Variants in ENOX1 observed in about 807,000 individuals in gnomAD.
ENOX1 encodes candidate growth-related and time keeping constitutive hydroquinone (NADH) oxidase.
A neutral mutation model predicts 82.5 loss-of-function variants in ENOX1; 42 were observed. The observed-to-expected ratio is 0.51, with a 90% CI of 0.40 to 0.66. The LOEUF (loss-of-function observed/expected upper bound fraction) is 0.66. Ranked by LOEUF, ENOX1 falls within the 30% of genes least tolerant of loss-of-function variation. The probability of loss-of-function intolerance (pLI) is 0.00; values close to 1 mark genes in which losing one functional copy is unlikely to be tolerated. For synonymous variants in ENOX1, 271 were observed against 282.2 expected, an observed-to-expected ratio of 0.96 and a Z score of 0.40; for missense variants, 608 against 811.6, an observed-to-expected ratio of 0.75 and a Z score of 3.05.
intron 2 of ENOX1, among the ~76,000 whole-genome samples, chr13:43,649,566 A>C (rs9533565): frequency 0.15 from 22,752 of 152,120 alleles, 2,077 homozygotes; most frequent in East Asian, 0.39. Flanking sequence ...TGATTCCAAG[A>C]ATGGTGCTCA....
At chr13:43,743,392 T>G (rs1566864562) in intron 1 of ENOX1, among the ~76,000 whole-genome samples, 1 of 152,192 alleles carries the variant, frequency 6.6e-6, no homozygotes, top group African/African-American at 2.4e-5. Context: ...TCCAGAACAT[T>G]TTCACTGGAA....
chr13:43,286,209 A>G (rs975590029), intron 12 of ENOX1, among the ~76,000 whole-genome samples: 3 of 152,238 alleles, frequency 2.0e-5, no homozygotes, highest in South Asian at 2.1e-4. Context: ...TTTAGTGTCC[A>G]TAGCTGGAGG....
rs112380033 is a variant in ENOX1 at position 43,391,395 on chromosome 13, C to T, written c.208+20521G>A. 9.7e-4 allele frequency among the ~76,000 whole-genome samples: 148 copies of T among 152,258 alleles called. 2 individuals are homozygous for T. Among genetic ancestry groups the T allele is most frequent in the African/African-American group, 3.2e-3 (134 of 41,550 alleles). On this transcript the variant is annotated intron_variant, in intron 5 of 16. Transcript: ENST00000690772. ...CAGTCATGCTGATGAACACAGATCT[C>T]TCTGGATGTGATTATCACTGGCCCA...
At chr13:43,362,897 G>A (rs548657474) in intron 5 of ENOX1, among the ~76,000 whole-genome samples, 2 of 151,298 alleles carry the variant, frequency 1.3e-5, no homozygotes, top group South Asian at 4.2e-4. Flanking sequence ...GTGTATCAGT[G>A]TGACTTCAGT....
intron 5 of ENOX1, among the ~76,000 whole-genome samples, chr13:43,403,012 A>G (rs2053584110): frequency 6.6e-6 from 1 of 152,134 alleles, no homozygotes; most frequent in Non-Finnish European, 1.5e-5. Flanking sequence ...TGTATTTGTG[A>G]TATATACACA....
intron 2 of ENOX1, among the ~76,000 whole-genome samples, chr13:43,535,942 C>T (rs1282911674): frequency 6.6e-6 from 1 of 152,080 alleles, no homozygotes; most frequent in Non-Finnish European, 1.5e-5. Context: ...AGAATAATGG[C>T]CTGTAGCATA....
intron 1 of ENOX1, among the ~76,000 whole-genome samples, chr13:43,743,992 T>C (rs1226155501): frequency 6.7e-6 from 1 of 149,598 alleles, no homozygotes; most frequent in Non-Finnish European, 1.5e-5. Flanking sequence ...ATGACATTAA[T>C]CCATCCATGA....
At chr13:43,498,581 GA>G (rs2076872203) in intron 2 of ENOX1, among the ~76,000 whole-genome samples, 2 of 151,918 alleles carry the variant, frequency 1.3e-5, no homozygotes, top group Admixed American at 1.3e-4. Flanking sequence ...CTGAATGACT[GA>G]ATCAATAAAT....
chr13:43,408,112 C>T (rs530806502), intron 5 of ENOX1, among the ~76,000 whole-genome samples: 260 of 152,082 alleles, frequency 1.7e-3, no homozygotes, highest in Non-Finnish European at 3.0e-3. Context: ...AGCAGAATCA[C>T]GGTGAGAGGA....
chr13:43,712,821 AT>A (rs2087824494), intron 1 of ENOX1, among the ~76,000 whole-genome samples: 2 of 151,684 alleles, frequency 1.3e-5, no homozygotes, highest in African/African-American at 4.8e-5. Context: ...GGCTGAGACA[AT>A]GGGGTTTTCT....
At chr13:43,606,318 A>C (rs1362617804) in intron 2 of ENOX1, among the ~76,000 whole-genome samples, 3 of 152,312 alleles carry the variant, frequency 2.0e-5, no homozygotes, top group Admixed American at 1.3e-4. Flanking sequence ...TTATATACCC[A>C]AAAGAAAGGA....
intron 3 of ENOX1, among the ~76,000 whole-genome samples, chr13:43,424,591 G>A (rs138757357): frequency 1.8e-4 from 28 of 152,272 alleles, no homozygotes; most frequent in East Asian, 9.6e-4. Context: ...TGCCACTGCC[G>A]CATGATGAAT....
At chr13:43,608,503 A>G (rs2082064271) in intron 2 of ENOX1, among the ~76,000 whole-genome samples, 1 of 152,114 alleles carries the variant, frequency 6.6e-6, no homozygotes, top group South Asian at 2.1e-4. Context: ...CTTCTTCTTG[A>G]TGACTGAGGG....
At chr13:43,460,869 T>C (rs886477763) in intron 3 of ENOX1, among the ~76,000 whole-genome samples, 1 of 146,122 alleles carries the variant, frequency 6.8e-6, no homozygotes, top group African/African-American at 2.5e-5. Context: ...GTAGGTCGCC[T>C]TGGGTGTTAG....
intron 8 of ENOX1, among the ~76,000 whole-genome samples, chr13:43,355,611 T>G (rs1201199954): frequency 6.6e-6 from 1 of 152,184 alleles, no homozygotes; most frequent in East Asian, 1.9e-4. Flanking sequence ...TGTCCCCTCA[T>G]TCAGTGAGTT....
In ENOX1 at chr13:43,213,787, T is replaced by G; in HGVS notation, c.*203A>C. On this transcript the variant is annotated 3_prime_UTR_variant, in exon 17 of 17. Coordinates refer to ENST00000690772, the MANE Select transcript of ENOX1 (RefSeq NM_001347969.2). ...TTCATAGGAAACAGATCTGTCACAGTATGAAGCTTTGTTTATTTTAAGAAA... is the reference window on the plus strand; with the variant it reads ...TTCATAGGAAACAGATCTGTCACAGGATGAAGCTTTGTTTATTTTAAGAAA... 1 of 413,408 alleles carries G rather than the reference T, an allele frequency of 2.4e-6. No homozygotes were observed. The highest frequency in any genetic ancestry group is 4.3e-6 in the Non-Finnish European group (1 of 235,284). 25.6% of individuals were successfully genotyped at this position (413,408 alleles called of 1,614,324 possible). A position where few individuals can be genotyped will look rare whatever the true frequency, so the allele number is the denominator to read the frequency against.
rs148667294 is a variant in ENOX1, at chr13:43,413,138, G to A, written c.-74-150C>T. The A allele has an allele frequency of 3.3e-4, 269 of 815,832 alleles. 1 individual carries two copies. In the African/African-American group the frequency reaches 3.6e-3, roughly 11 times the overall value. 50.5% of individuals were successfully genotyped at this position (815,832 alleles called of 1,614,324 possible). A position where few individuals can be genotyped will look rare whatever the true frequency, so the allele number is the denominator to read the frequency against. ...GAAATGCTGCTTCCCATCGCTCAGC[G>A]GCTGTCTTGTGGCTCAGTTAAAACC... On this transcript the variant is annotated intron_variant, in intron 3 of 16. Transcript: ENST00000690772.
chr13:43,776,817 G>C (rs1357535625), intron 1 of ENOX1, among the ~76,000 whole-genome samples: 1 of 148,972 alleles, frequency 6.7e-6, no homozygotes, highest in Non-Finnish European at 1.5e-5. Flanking sequence ...GCTACCCACA[G>C]CTAGGGAAAA....
chr13:43,605,837 A>C (rs966498307), intron 2 of ENOX1, among the ~76,000 whole-genome samples: 1 of 152,190 alleles, frequency 6.6e-6, no homozygotes, highest in African/African-American at 2.4e-5. Context: ...GCTTCTGCAC[A>C]GCAAAGGAAA....
Sources: gnomAD v4.1 joint callset for allele counts (sites outside exome capture counted in the v4.1 genomes callset) on GRCh38, gnomAD v4.1.1 for gene constraint, MANE v1.5 for transcripts, NCBI Gene and HGNC (gene_info 2026-07-23, HGNC 2026-07-21) for gene names.